RANBP9: variants seen among roughly 807,000 people sequenced by gnomAD.
The protein encoded by RANBP9 is RAN binding protein 9.
A neutral mutation model predicts 84.3 loss-of-function variants in RANBP9; 15 were observed. The observed-to-expected ratio is 0.18, with a 90% confidence interval of 0.12 to 0.27. The LOEUF (loss-of-function observed/expected upper bound fraction) is 0.27, where lower values mean the gene tolerates loss of function less well. RANBP9 is among the 10% of genes least tolerant of loss of function. RANBP9 has a pLI of 1.00. For missense variants in RANBP9, 809 were observed against 912.8 expected (o/e 0.89, Z 1.46); for synonymous variants, 392 against 349.6 (o/e 1.12, Z -1.35).
chr6:13,657,414 A>G, intron 3 of RANBP9, 138 bp from the exon 4 acceptor site: 1 of 578,186 alleles, frequency 1.7e-6, no homozygotes, highest in Non-Finnish European at 2.7e-6. Context: ...TAAATTCTCA[A>G]CAATTACACT....
At chr6:13,667,650 A>G (rs1314414571) in intron 2 of RANBP9, among the ~76,000 whole-genome samples, 1 of 152,130 alleles carries the variant, frequency 6.6e-6, no homozygotes, top group East Asian at 1.9e-4. Context: ...ACACAAAACC[A>G]TTGTGTTACA....
At chr6:13,702,011 A>C (rs1004510232) in intron 1 of RANBP9, among the ~76,000 whole-genome samples, 6 of 152,076 alleles carry the variant, frequency 3.9e-5, no homozygotes, top group Non-Finnish European at 7.4e-5. Flanking sequence ...CTTCCTCTCT[A>C]ATCTCTCCTT....
At chr6:13,669,947 G>GTT (rs573406280) in intron 2 of RANBP9, among the ~76,000 whole-genome samples, 16 of 145,918 alleles carry the variant, frequency 1.1e-4, no homozygotes, top group African/African-American at 3.5e-4. Flanking sequence ...GAAAGAACTG[G>GTT]TTTTTTTTTT....
At chr6:13,688,162 A>T (rs1487822017) in intron 2 of RANBP9, among the ~76,000 whole-genome samples, 1 of 152,186 alleles carries the variant, frequency 6.6e-6, no homozygotes, top group African/African-American at 2.4e-5. Flanking sequence ...AGACTGAGAG[A>T]GTCTGTCAAA....
intron 1 of RANBP9, among the ~76,000 whole-genome samples, chr6:13,707,564 T>C (rs1463058479): frequency 1.3e-5 from 2 of 152,240 alleles, no homozygotes; most frequent in Non-Finnish European, 2.9e-5. Context: ...GGCAATACTA[T>C]GGGATTGTGA....
Position 13,711,398 on chromosome 6 carries a change from C to G in RANBP9, c.108G>C (p.Pro36=), listed in dbSNP as rs1758280257. Residue 36 remains proline, a synonymous_variant, in exon 1 of 14, where the codon CCG becomes CCC. Transcript: ENST00000011619. ...AGCCGGCGCTGACGGCCGGGGGCGC[C>G]GGCAGGACGACTCCGGAGACTGGGG... ...ALAPVSGVVL[P]APPAVSAGSS... The G allele has an allele frequency of 8.5e-7, 1 of 1,181,094 alleles. No homozygotes were observed. The highest frequency in any genetic ancestry group is 1.0e-6 in the Non-Finnish European group (1 of 955,606). The allele number at this position is 1,181,094 out of a possible 1,614,324, so 73.2% of individuals were successfully genotyped here.
At chr6:13,702,948 T>A (rs557040803) in intron 1 of RANBP9, among the ~76,000 whole-genome samples, 80 of 152,352 alleles carry the variant, frequency 5.3e-4, no homozygotes, top group African/African-American at 1.8e-3. Flanking sequence ...GAAAACTATC[T>A]GTGCCTATCC....
intron 5 of RANBP9, among the ~76,000 whole-genome samples, chr6:13,651,217 G>A (rs1765288083): frequency 6.6e-6 from 1 of 152,056 alleles, no homozygotes; most frequent in Non-Finnish European, 1.5e-5. Context: ...TGGTGTCACA[G>A]ATGATGCAGA....
Position 13,690,683 on chromosome 6 carries a change from TTC to T in RANBP9, c.683+6100_683+6101del, listed in dbSNP as rs1021250660. Among the ~76,000 whole-genome samples, 8 of 152,326 alleles carry T rather than the reference TTC, an allele frequency of 5.3e-5. No individual in the cohort carries two copies. The East Asian group carries it at 9.6e-4, about 18-fold the overall frequency. On this transcript the variant is annotated intron_variant, in intron 2 of 13. Coordinates refer to ENST00000011619, the MANE Select transcript of RANBP9 (RefSeq NM_005493.3). ...TAAAAACTTTCAAATAAAAATTTTG[TTC>T]TCTCTCACATTTAGAATTAACAGTA... is the stretch of plus-strand genomic sequence containing the variant.
chr6:13,641,658 G>A (rs1765067194), intron 7 of RANBP9, among the ~76,000 whole-genome samples: 1 of 152,086 alleles, frequency 6.6e-6, no homozygotes, highest in Non-Finnish European at 1.5e-5. Flanking sequence ...CTGAACAAAG[G>A]ACTGAAAAAT....
chr6:13,704,769 G>A (rs189870765), intron 1 of RANBP9, among the ~76,000 whole-genome samples: 40 of 151,610 alleles, frequency 2.6e-4, no homozygotes, highest in Admixed American at 3.9e-4. Context: ...TCCTTCATTT[G>A]CAACACCTAG....
rs141343497 is a variant in RANBP9 at position 13,669,574 on chromosome 6, C to T, written c.684-10742G>A. On this transcript the variant is annotated intron_variant, in intron 2 of 13. Coordinates refer to ENST00000011619, the MANE Select transcript of RANBP9 (RefSeq NM_005493.3). ...TTGAGATTTCAGAAACTCTTGTATTCACGATCAATTAATTTTGTTATTGTT... is the reference window on the plus strand; with the variant it reads ...TTGAGATTTCAGAAACTCTTGTATTTACGATCAATTAATTTTGTTATTGTT... Among the ~76,000 whole-genome samples the T allele has an allele frequency of 3.8e-3, 577 of 152,266 alleles. 3 individuals carry two copies. Among genetic ancestry groups the T allele is most frequent in the African/African-American group, 0.014 (562 of 41,552 alleles).
At chr6:13,649,645 G>C (rs1765250583) in intron 5 of RANBP9, among the ~76,000 whole-genome samples, 3 of 151,676 alleles carry the variant, frequency 2.0e-5, no homozygotes, top group Admixed American at 2.0e-4. Context: ...TTACACATCT[G>C]TCTACCTCTT....
At chr6:13,710,791 C>T (rs1561701138) in intron 1 of RANBP9, 144 bp downstream of exon 1, 11 of 870,926 alleles carry the variant, frequency 1.3e-5, no homozygotes, top group Non-Finnish European at 1.7e-5. Context: ...CCGCGCCCAC[C>T]CGGAGCAGCA....
At chr6:13,686,921 C>G (rs1375980643) in intron 2 of RANBP9, among the ~76,000 whole-genome samples, 2 of 152,142 alleles carry the variant, frequency 1.3e-5, no homozygotes, top group African/African-American at 4.8e-5. Flanking sequence ...CTTAGCAGTC[C>G]TCCTTTGAAC....
At position 13,710,862 on chromosome 6, in the gene RANBP9, C is replaced by T; in HGVS notation, c.571+73G>A. The T allele has an allele frequency of 4.8e-6, 7 of 1,466,674 alleles. No individual in the cohort carries two copies. In the Middle Eastern group the frequency reaches 5.8e-4, roughly 122 times the overall value. 90.9% of individuals were successfully genotyped at this position (1,466,674 alleles called of 1,614,324 possible). On this transcript the variant is annotated intron_variant, in intron 1 of 13. Transcript: ENST00000011619. The stretch of plus-strand genomic sequence containing the variant: ...GCGAGGGCGGGGGTCGGGGGCGGGT[C>T]GAGAGCGGCGCAGCGGCGGCCGGCC...
chr6:13,710,801 A>T, intron 1 of RANBP9, 134 bp downstream of exon 1: 1 of 960,852 alleles, frequency 1.0e-6, no homozygotes, highest in Non-Finnish European at 1.5e-6. Flanking sequence ...CCGGAGCAGC[A>T]CAACAGGCGG....
At chr6:13,678,976 G>A (rs1339350204) in intron 2 of RANBP9, among the ~76,000 whole-genome samples, 1 of 152,036 alleles carries the variant, frequency 6.6e-6, no homozygotes, top group Non-Finnish European at 1.5e-5. Context: ...CTGCACCAAT[G>A]GAACTGAGGT....
chr6:13,704,262 C>A (rs544616907), intron 1 of RANBP9, among the ~76,000 whole-genome samples: 1 of 152,276 alleles, frequency 6.6e-6, no homozygotes, highest in East Asian at 1.9e-4. Flanking sequence ...CCAGTCACTT[C>A]CCATTTAAAA....
Sources: allele counts gnomAD v4.1 joint callset (sites outside exome capture counted in the v4.1 genomes callset), GRCh38; gene constraint gnomAD v4.1.1; transcripts MANE v1.5; gene names NCBI Gene and HGNC (gene_info 2026-07-23, HGNC 2026-07-21).